EPB41L3: variants seen among roughly 807,000 people sequenced by gnomAD.
EPB41L3 encodes the protein erythrocyte membrane protein band 4.1 like 3.
Under a neutral mutation model 127.1 loss-of-function variants are expected in EPB41L3, and 57 were observed. The observed-to-expected ratio is 0.45, with a 90% CI of 0.36 to 0.56. EPB41L3 has a LOEUF of 0.56. Among genes scored for constraint, EPB41L3 ranks in the 20% least tolerant of loss-of-function variants. EPB41L3 has a pLI of 0.00. For missense variants in EPB41L3, 1,273 were observed against 1,372.2 expected (o/e 0.93, Z 1.14); for synonymous variants, 572 against 549.5 (o/e 1.04, Z -0.57).
chr18:5,506,357 C>T (rs147676934), intron 1 of EPB41L3, among the ~76,000 whole-genome samples: 9 of 152,298 alleles, frequency 5.9e-5, no homozygotes, highest in Non-Finnish European at 1.3e-4. Flanking sequence ...TCATCTACTT[C>T]TGTTCCCTTC....
intron 9 of EPB41L3, 133 bp downstream of exon 9, chr18:5,428,180 A>G (rs1264269180): frequency 1.0e-6 from 1 of 981,910 alleles, no homozygotes; most frequent in South Asian, 1.7e-5. Context: ...AACCTACAAT[A>G]AACTCTCTCA....
upstream of EPB41L3, among the ~76,000 whole-genome samples, chr18:5,548,643 A>G (rs1263436992): frequency 2.6e-5 from 4 of 152,050 alleles, no homozygotes; most frequent in Non-Finnish European, 5.9e-5. Context: ...TTTCCAGTAA[A>G]TTTTAGAAAT....
At chr18:5,540,977 CG>C (rs1344594558) in intron 1 of EPB41L3, among the ~76,000 whole-genome samples, 1 of 149,410 alleles carries the variant, frequency 6.7e-6, no homozygotes, top group Non-Finnish European at 1.5e-5. Context: ...CCCAGCTACT[CG>C]GGAGGCTGAG....
intron 2 of EPB41L3, among the ~76,000 whole-genome samples, chr18:5,484,974 C>T (rs2089474990): frequency 6.6e-6 from 1 of 151,772 alleles, no homozygotes; most frequent in African/African-American, 2.4e-5. Flanking sequence ...GGGAATACTT[C>T]CAAACTCATG....
intron 14 of EPB41L3, among the ~76,000 whole-genome samples, chr18:5,408,419 G>A (rs1445048581): frequency 6.6e-6 from 1 of 151,498 alleles, no homozygotes; most frequent in Admixed American, 6.6e-5. Flanking sequence ...GATTACAGGC[G>A]CCTGCCACCA....
At chr18:5,578,126 G>A (rs987486326) in intron 3 of EPB41L3, among the ~76,000 whole-genome samples, 5 of 152,178 alleles carry the variant, frequency 3.3e-5, no homozygotes, top group African/African-American at 9.7e-5. Flanking sequence ...GGGTGGGACA[G>A]GGCCCAGAGA....
chr18:5,543,789 C>A lies in EPB41L3; in HGVS notation c.-12+124G>T. The A allele has an allele frequency of 1.3e-6, 1 of 772,526 alleles. No homozygotes were observed. The highest frequency in any genetic ancestry group is 1.6e-6 in the Non-Finnish European group (1 of 636,240). The allele number at this position is 772,526 out of a possible 1,614,324, so 47.9% of individuals were successfully genotyped here. Reference sequence around the variant, plus strand: ...GCTCGGGATTCGGGAGACCGCGCGGCGCCGAAGCCACGCGTCAGCCCCACT... The same window carrying A: ...GCTCGGGATTCGGGAGACCGCGCGGAGCCGAAGCCACGCGTCAGCCCCACT... On this transcript the variant is annotated intron_variant, in intron 1 of 22. Transcript: ENST00000341928. This position sits in a 1 kb window ranked among gnomAD's most constrained non-coding sequence, Gnocchi z 5.2.
intron 1 of EPB41L3, among the ~76,000 whole-genome samples, chr18:5,615,209 T>TC (rs2094779231): frequency 6.6e-6 from 1 of 152,154 alleles, no homozygotes; most frequent in Admixed American, 6.5e-5. Flanking sequence ...AGACTTTTTT[T>TC]TTAAACTGCT....
At chr18:5,399,513 T>A in intron 16 of EPB41L3, 1 of 397,508 alleles carries the variant, frequency 2.5e-6, no homozygotes, top group Non-Finnish European at 4.4e-6. Flanking sequence ...AGTGCTCATG[T>A]TATTATCTAA....
At chr18:5,424,118 T>G in intron 10 of EPB41L3, 144 bp downstream of exon 10, 2 of 601,494 alleles carry the variant, frequency 3.3e-6, no homozygotes, top group Non-Finnish European at 5.4e-6. Context: ...TCTAGTTCTC[T>G]TAGGATTTCT....
chr18:5,416,409 A>C, intron 12 of EPB41L3, 31 bp from the exon 13 acceptor site: 1 of 1,575,724 alleles, frequency 6.3e-7, no homozygotes, highest in Non-Finnish European at 8.6e-7. Context: ...AGAGACAGAA[A>C]GCAGCAAACA....
In EPB41L3 at chr18:5,431,589, A is replaced by G. The variant is rs531240073; in HGVS notation, c.912+1880T>C. ...AAGTGATTTTATATTTACTGATAGA[A>G]ACACTGATACATCCTGAGGTGCACT... On this transcript the variant is annotated intron_variant, in intron 8 of 22. Transcript: ENST00000341928. 3.3e-5 allele frequency among the ~76,000 whole-genome samples: 5 copies of G among 152,360 alleles called. No homozygotes were observed. In the East Asian group the frequency reaches 9.6e-4, roughly 29 times the overall value.
intron 3 of EPB41L3, among the ~76,000 whole-genome samples, chr18:5,600,252 G>A (rs1252740096): frequency 6.6e-6 from 1 of 152,114 alleles, no homozygotes; most frequent in African/African-American, 2.4e-5. Flanking sequence ...TTCTTCTCTT[G>A]TCATACTGCT....
chr18:5,485,250 A>G (rs959774777), intron 2 of EPB41L3, among the ~76,000 whole-genome samples: 11 of 152,112 alleles, frequency 7.2e-5, no homozygotes, highest in African/African-American at 2.7e-4. Flanking sequence ...CAAAAACCAT[A>G]TGATTATTTC....
chr18:5,605,935 AAGG>A (rs2094646680), intron 3 of EPB41L3, among the ~76,000 whole-genome samples: 1 of 152,300 alleles, frequency 6.6e-6, no homozygotes, highest in African/African-American at 2.4e-5. Context: ...TTGGAGGCAG[AAGG>A]AGGAGGATGA....
chr18:5,574,762 A>T (rs2094320770), intron 3 of EPB41L3, among the ~76,000 whole-genome samples: 1 of 152,146 alleles, frequency 6.6e-6, no homozygotes, highest in Non-Finnish European at 1.5e-5. Flanking sequence ...ATCCCTTATG[A>T]CTATTCTGGG....
At position 5,397,866 on chromosome 18, in the gene EPB41L3, A is replaced by G. The variant is rs1171085572; in HGVS notation, c.2472+155T>C. On this transcript the variant is annotated intron_variant, in intron 17 of 22. Coordinates refer to ENST00000341928, the MANE Select transcript of EPB41L3 (RefSeq NM_012307.5). This position sits in a 1 kb window ranked among gnomAD's most constrained non-coding sequence, Gnocchi z 4.1. The stretch of plus-strand genomic sequence containing the variant: ...ATGCAACTAAAGGCATGTGACAGAT[A>G]TGCCAAGCAGACACAAAGGACAATA... Among the ~76,000 whole-genome samples the G allele has an allele frequency of 2.6e-5, 4 of 152,216 alleles. No individual in the cohort carries two copies. The highest frequency in any genetic ancestry group is 9.6e-5 in the African/African-American group (4 of 41,454).
intron 1 of EPB41L3, among the ~76,000 whole-genome samples, chr18:5,542,392 T>C (rs2093756434): frequency 6.6e-6 from 1 of 152,202 alleles, no homozygotes; most frequent in Admixed American, 6.5e-5. Context: ...CTTCCTGTAC[T>C]ATAGAAGTTA....
chr18:5,538,574 A>C (rs1424954527), intron 1 of EPB41L3, among the ~76,000 whole-genome samples: 1 of 152,238 alleles, frequency 6.6e-6, no homozygotes. Context: ...AAAATGACCA[A>C]AGAAGAGAGA....
Sources: allele counts gnomAD v4.1 joint callset (sites outside exome capture counted in the v4.1 genomes callset), GRCh38; gene constraint gnomAD v4.1.1; non-coding constraint Gnocchi (gnomAD v3.1); transcripts MANE v1.5; gene names NCBI Gene and HGNC (gene_info 2026-07-23, HGNC 2026-07-21).